Variants in EML6 observed in about 807,000 individuals in gnomAD.
EML6 encodes the protein echinoderm microtubule-associated protein-like 6.
Under a neutral mutation model 240.1 loss-of-function variants are expected in EML6, and 154 were observed. The ratio of observed to expected loss-of-function variants is 0.64; its 90% CI spans 0.56 to 0.73. The LOEUF is 0.73. Among genes scored for constraint, EML6 ranks in the 30% least tolerant of loss-of-function variants. EML6 has a pLI of 0.00. For synonymous variants in EML6, 1,148 were observed against 899.0 expected (o/e 1.28, Z -4.95); for missense variants, 2,964 against 2,474.6 (o/e 1.20, Z -4.20).
At chr2:54,734,921 C>T (rs535087255) in intron 2 of EML6, among the ~76,000 whole-genome samples, 2 of 152,314 alleles carry the variant, frequency 1.3e-5, no homozygotes, top group East Asian at 3.9e-4. Flanking sequence ...ATGTTCTCCA[C>T]GGTCTATTAT....
At chr2:54,831,547 T>A (rs1668872239) in intron 7 of EML6, among the ~76,000 whole-genome samples, 1 of 151,996 alleles carries the variant, frequency 6.6e-6, no homozygotes, top group South Asian at 2.1e-4. Flanking sequence ...TCCCGCCCCA[T>A]CCTTACCAAG....
rs550961857 is a variant in EML6, at chr2:54,799,557, A to C, written c.198-13675A>C. Among the ~76,000 whole-genome samples, 117 of 152,076 alleles carry C rather than the reference A, an allele frequency of 7.7e-4. 2 individuals are homozygous for C. In the South Asian group the frequency reaches 0.012, roughly 16 times the overall value. On this transcript the variant is annotated intron_variant, in intron 2 of 41. Transcript: ENST00000356458. ...GACAGGTTTCACCATGTTGGCCAGG[A>C]TGGTCTCGATCTCCTGACCTCGTGA... is the stretch of plus-strand genomic sequence containing the variant.
intron 3 of EML6, among the ~76,000 whole-genome samples, chr2:54,815,527 G>C (rs992551718): frequency 6.6e-6 from 1 of 152,258 alleles, no homozygotes; most frequent in African/African-American, 2.4e-5. Context: ...TTTTACTTCA[G>C]TGCCCCTATT....
chr2:54,740,316 A>G (rs1460913040), intron 2 of EML6, among the ~76,000 whole-genome samples: 3 of 152,138 alleles, frequency 2.0e-5, no homozygotes, highest in African/African-American at 4.8e-5. Flanking sequence ...AAAGATGGGA[A>G]TGGTCACAGG....
At chr2:54,760,875 A>C (rs1178859217) in intron 2 of EML6, among the ~76,000 whole-genome samples, 1 of 149,960 alleles carries the variant, frequency 6.7e-6, no homozygotes, top group Non-Finnish European at 1.5e-5. Context: ...ACAGACTGAA[A>C]GATGGAAGTT....
At chr2:54,758,831 C>T (rs1189634636) in intron 2 of EML6, among the ~76,000 whole-genome samples, 2 of 151,870 alleles carry the variant, frequency 1.3e-5, no homozygotes, top group East Asian at 3.9e-4. Flanking sequence ...TTTTTTTAAT[C>T]CCAGTTTTGC....
chr2:54,892,436 G>C lies in EML6; in HGVS notation c.2540-18G>C, dbSNP rs1184130173. 3 of 1,534,402 alleles carry C rather than the reference G, an allele frequency of 2.0e-6. No homozygotes were observed. The highest frequency in any genetic ancestry group is 1.7e-4 in the Middle Eastern group (1 of 5,964). On this transcript the variant is annotated intron_variant, in intron 18 of 41. Coordinates refer to ENST00000356458, the MANE Select transcript of EML6 (RefSeq NM_001039753.4). ...TGCCAGATTTTATAAAGTAATAACTGTTCTTGGTCCACTCTAGGTGGGGGC... is the reference window on the plus strand; with the variant it reads ...TGCCAGATTTTATAAAGTAATAACTCTTCTTGGTCCACTCTAGGTGGGGGC...
chr2:54,747,373 A>G (rs1558522767), intron 2 of EML6: 2 of 152,216 alleles, frequency 1.3e-5, no homozygotes, highest in South Asian at 2.1e-4. Context: ...TTTCATGCCA[A>G]GTGTGCTTTC....
chr2:54,854,383 C>T (rs1670258855), intron 11 of EML6, among the ~76,000 whole-genome samples: 2 of 152,078 alleles, frequency 1.3e-5, no homozygotes, highest in Non-Finnish European at 2.9e-5. Context: ...CCTCTTTGCC[C>T]TCATGTTTTG....
chr2:54,941,832 C>G (rs1675443318), intron 28 of EML6, among the ~76,000 whole-genome samples: 1 of 152,238 alleles, frequency 6.6e-6, no homozygotes, highest in Non-Finnish European at 1.5e-5. Flanking sequence ...TCTTCTTCAT[C>G]CCACCCCTTC....
chr2:54,850,288 C>G, intron 10 of EML6, 70 bp downstream of exon 10: 2 of 1,360,904 alleles, frequency 1.5e-6, no homozygotes, highest in Non-Finnish European at 2.0e-6. Flanking sequence ...AAATACAGGA[C>G]AAGTGTCATG....
chr2:54,813,999 G>T (rs1249260284), intron 3 of EML6, among the ~76,000 whole-genome samples: 27 of 152,158 alleles, frequency 1.8e-4, no homozygotes. Context: ...GTCTGACTTA[G>T]TTGAATCTCT....
chr2:54,737,438 A>G (rs569873059), intron 2 of EML6, among the ~76,000 whole-genome samples: 359 of 152,204 alleles, frequency 2.4e-3, no homozygotes, highest in African/African-American at 8.3e-3. Flanking sequence ...AGCTGGGATT[A>G]TAGGCATGCG....
chr2:54,955,417 T>G (rs1676185841), intron 32 of EML6, among the ~76,000 whole-genome samples: 1 of 152,150 alleles, frequency 6.6e-6, no homozygotes, highest in Non-Finnish European at 1.5e-5. Flanking sequence ...ACCCCTTGAA[T>G]ACTTTCAAGG....
chr2:54,938,215 G>A (rs980182744), intron 28 of EML6, among the ~76,000 whole-genome samples: 3 of 152,036 alleles, frequency 2.0e-5, no homozygotes, highest in East Asian at 1.9e-4. Flanking sequence ...GCATGGTGGC[G>A]GGCACCTGTA....
intron 2 of EML6, among the ~76,000 whole-genome samples, chr2:54,754,496 C>G (rs970755313): frequency 7.9e-5 from 12 of 152,172 alleles, no homozygotes; most frequent in African/African-American, 2.9e-4. Flanking sequence ...TGAAGTGCCT[C>G]TTCAGGTCTT....
Position 54,823,850 on chromosome 2 carries a change from T to TTCTCTCTCTCTCTCTCTCTCTCTC in EML6, c.525+3392_525+3415dup, listed in dbSNP as rs147852134. 1.9e-3 allele frequency among the ~76,000 whole-genome samples: 137 copies of TTCTCTCTCTCTCTCTCTCTCTCTC among 72,266 alleles called. 4 individuals are homozygous for TTCTCTCTCTCTCTCTCTCTCTCTC. The highest frequency in any genetic ancestry group is 6.2e-3 in the African/African-American group (115 of 18,414). The allele number at this position is 72,266 out of a possible 152,430, so 47.4% of individuals were successfully genotyped here. On this transcript the variant is annotated intron_variant, in intron 5 of 41. Coordinates refer to ENST00000356458, the MANE Select transcript of EML6 (RefSeq NM_001039753.4). The stretch of plus-strand genomic sequence containing the variant: ...GGCTGAATTAATATTCATTCATTCA[T>TTCTCTCTCTCTCTCTCTCTCTCTC]TCTCTCTCTCTCTCTCTCTCTCTCT...
intron 28 of EML6, among the ~76,000 whole-genome samples, chr2:54,937,421 G>A (rs1368054746): frequency 6.6e-6 from 1 of 151,570 alleles, no homozygotes; most frequent in Non-Finnish European, 1.5e-5. Flanking sequence ...AAATTTAAAA[G>A]CCTGATGTGG....
Position 54,903,428 on chromosome 2 carries a change from T to G in EML6, c.3335T>G (p.Val1112Gly). The G allele has an allele frequency of 6.4e-7, 1 of 1,551,878 alleles. No homozygotes were observed. The highest frequency in any genetic ancestry group is 8.7e-7 in the Non-Finnish European group (1 of 1,146,940). The change falls in exon 24 of 42, where the codon GTA (valine) becomes GGA (glycine). Residue 1112 changes from valine to glycine, a missense_variant. Val to Gly is a moderately radical substitution (Grantham distance 109). Coordinates refer to ENST00000356458, the MANE Select transcript of EML6 (RefSeq NM_001039753.4). ...SHDNFVDIYNVLTSKRVGICK... is the reference protein window; with the variant it reads ...SHDNFVDIYNGLTSKRVGICK... ...GATAACTTTGTGGATATTTACAACG[T>G]ACTTACAAGCAAAAGGGTTGGCATC...
Sources: allele counts gnomAD v4.1 joint callset (sites outside exome capture counted in the v4.1 genomes callset), GRCh38; gene constraint gnomAD v4.1.1; transcripts MANE v1.5; gene names NCBI Gene and HGNC (gene_info 2026-07-23, HGNC 2026-07-21).